MYRIP: variants seen among roughly 807,000 people sequenced by gnomAD.
MYRIP encodes myosin VIIA and Rab interacting protein.
In MYRIP, 49 loss-of-function variants were observed where a neutral mutation model predicts 98.0. The observed-to-expected ratio is 0.50, with a 90% CI of 0.40 to 0.63. The LOEUF is 0.63. Among genes scored for constraint, MYRIP ranks in the 30% least tolerant of loss-of-function variants. MYRIP has a pLI of 0.00. For missense variants in MYRIP, 1,004 were observed against 1,058.2 expected (o/e 0.95, Z 0.71); for synonymous variants, 404 against 409.5 (o/e 0.99, Z 0.16).
intron 3 of MYRIP, among the ~76,000 whole-genome samples, chr3:40,073,612 A>T (rs1281219662): frequency 6.6e-6 from 1 of 152,234 alleles, no homozygotes; most frequent in East Asian, 1.9e-4. Flanking sequence ...TCAAATCTGT[A>T]TTTATTGCCT....
chr3:39,819,028 G>A (rs1358756658), intron 1 of MYRIP, among the ~76,000 whole-genome samples: 1 of 152,154 alleles, frequency 6.6e-6, no homozygotes, highest in Non-Finnish European at 1.5e-5. Context: ...ATAAGTGATT[G>A]TACATAAATA....
chr3:40,085,485 A>C (rs1357835544), intron 3 of MYRIP, among the ~76,000 whole-genome samples: 3 of 152,086 alleles, frequency 2.0e-5, no homozygotes, highest in Non-Finnish European at 2.9e-5. Flanking sequence ...GGGTTTCATC[A>C]TGTTGGCAAG....
At position 40,068,012 on chromosome 3, in the gene MYRIP, T is replaced by C. The variant is rs1182324457; in HGVS notation, c.332+23741T>C. ...GCATATTTAATAGTCTATCATGATA[T>C]TGTATCAATGTATTAACCCATTTTC... is the stretch of plus-strand genomic sequence containing the variant. On this transcript the variant is annotated intron_variant, in intron 3 of 16. Transcript: ENST00000302541. 1.1e-4 allele frequency among the ~76,000 whole-genome samples: 16 copies of C among 152,226 alleles called. 1 individual carries two copies.
At chr3:40,245,539 C>G (rs1323435622) in intron 13 of MYRIP, among the ~76,000 whole-genome samples, 1 of 149,686 alleles carries the variant, frequency 6.7e-6, no homozygotes, top group Admixed American at 6.7e-5. Flanking sequence ...GTCCCAGCTA[C>G]TTGGGAGACT....
At chr3:39,963,211 G>A (rs1945366092) in intron 2 of MYRIP, among the ~76,000 whole-genome samples, 1 of 152,124 alleles carries the variant, frequency 6.6e-6, no homozygotes, top group African/African-American at 2.4e-5. Flanking sequence ...TGATTTGGCA[G>A]CTGTGCAGAT....
intron 3 of MYRIP, among the ~76,000 whole-genome samples, chr3:40,078,645 C>T (rs2125867239): frequency 6.6e-6 from 1 of 152,272 alleles, no homozygotes; most frequent in East Asian, 1.9e-4. Context: ...TATATATGGA[C>T]GAGCCTCCTG....
At chr3:40,256,136 T>C (rs1310775978) in intron 16 of MYRIP, among the ~76,000 whole-genome samples, 1 of 152,200 alleles carries the variant, frequency 6.6e-6, no homozygotes, top group Admixed American at 6.5e-5. Context: ...TTAATCTGAA[T>C]GTAAATAGCC....
At position 39,999,360 on chromosome 3, in the gene MYRIP, T is replaced by C. The variant is rs894137258; in HGVS notation, c.111-44690T>C. On this transcript the variant is annotated intron_variant, in intron 2 of 16. Coordinates refer to ENST00000302541, the MANE Select transcript of MYRIP (RefSeq NM_015460.4). ...ATAAACAACCCCATCAACAAGTGGG[T>C]GAAGGATATGAACAGACACTTCTCA... Among the ~76,000 whole-genome samples, 5 of 152,148 alleles carry C rather than the reference T, an allele frequency of 3.3e-5. No individual in the cohort carries two copies. The East Asian group carries it at 5.8e-4, about 18-fold the overall frequency.
At chr3:40,182,679 T>C (rs879485664) in intron 9 of MYRIP, among the ~76,000 whole-genome samples, 6 of 152,186 alleles carry the variant, frequency 3.9e-5, no homozygotes, top group African/African-American at 1.4e-4. Context: ...TGTGTTCACA[T>C]CACTCCACTG....
intron 2 of MYRIP, among the ~76,000 whole-genome samples, chr3:39,962,419 C>T (rs140334632): frequency 6.6e-6 from 1 of 151,252 alleles, no homozygotes; most frequent in African/African-American, 2.4e-5. Context: ...GATAAGGACC[C>T]CAAAGCACTA....
At chr3:39,865,040 C>G (rs1412369023) in intron 1 of MYRIP, among the ~76,000 whole-genome samples, 1 of 152,080 alleles carries the variant, frequency 6.6e-6, no homozygotes, top group African/African-American at 2.4e-5. Flanking sequence ...TTAACAAAAG[C>G]AAGCCATGGA....
At chr3:40,070,952 A>G (rs1948212409) in intron 3 of MYRIP, among the ~76,000 whole-genome samples, 1 of 152,178 alleles carries the variant, frequency 6.6e-6, no homozygotes, top group East Asian at 1.9e-4. Context: ...TGAGCTCCAT[A>G]TACCTTAAAG....
chr3:39,955,068 C>A (rs572035940), intron 2 of MYRIP, among the ~76,000 whole-genome samples: 89 of 152,208 alleles, frequency 5.8e-4, no homozygotes, highest in African/African-American at 2.1e-3. Flanking sequence ...CTGAAAGTGA[C>A]GGGGAGAATG....
intron 8 of MYRIP, among the ~76,000 whole-genome samples, chr3:40,181,322 G>C (rs989962954): frequency 6.6e-6 from 1 of 152,110 alleles, no homozygotes; most frequent in Non-Finnish European, 1.5e-5. Flanking sequence ...TGTCTCCTAG[G>C]CTAGGTACCT....
rs561829543 is a variant in MYRIP at position 39,905,171 on chromosome 3, CTG to C, written c.110+4249_110+4250del. ...TATTGTACTTGGTTAATTTTATTTT[CTG>C]TGTTTCTTTTTTATCAGATGATTTC... is the stretch of plus-strand genomic sequence containing the variant. On this transcript the variant is annotated intron_variant, in intron 2 of 16. Coordinates refer to ENST00000302541, the MANE Select transcript of MYRIP (RefSeq NM_015460.4). Among the ~76,000 whole-genome samples the C allele has an allele frequency of 2.5e-3, 373 of 152,222 alleles. 2 individuals are homozygous for C. The highest frequency in any genetic ancestry group is 8.5e-3 in the African/African-American group (353 of 41,550).
intron 2 of MYRIP, among the ~76,000 whole-genome samples, chr3:40,003,882 C>T (rs144815575): frequency 6.6e-6 from 1 of 152,314 alleles, no homozygotes; most frequent in East Asian, 1.9e-4. Flanking sequence ...ATAATTTGCT[C>T]AGGGCCAGGT....
At chr3:40,133,207 G>T (rs1448188929) in intron 3 of MYRIP, among the ~76,000 whole-genome samples, 1 of 152,210 alleles carries the variant, frequency 6.6e-6, no homozygotes, top group African/African-American at 2.4e-5. Flanking sequence ...TGAGTCAGTT[G>T]TGAAAATAAG....
chr3:39,828,053 C>T (rs1941326648), intron 1 of MYRIP, among the ~76,000 whole-genome samples: 1 of 151,838 alleles, frequency 6.6e-6, no homozygotes. Flanking sequence ...GACTGTAACT[C>T]GCCTTGGAAA....
At chr3:40,056,473 T>C (rs9853406) in intron 3 of MYRIP, among the ~76,000 whole-genome samples, 44,046 of 151,780 alleles carry the variant, frequency 0.29, 6,406 homozygotes, top group East Asian at 0.36. Flanking sequence ...CATACCACAG[T>C]TTCTCGAGGC....
Sources: gnomAD v4.1 joint callset for allele counts (sites outside exome capture counted in the v4.1 genomes callset) on GRCh38, gnomAD v4.1.1 for gene constraint, MANE v1.5 for transcripts, NCBI Gene and HGNC (gene_info 2026-07-23, HGNC 2026-07-21) for gene names.